MALRD1: variants seen among roughly 807,000 people sequenced by gnomAD.
MALRD1 encodes MAM and LDL receptor class A domain containing 1.
A neutral mutation model predicts 242.1 loss-of-function variants in MALRD1; 247 were observed. The observed-to-expected ratio is 1.02, with a 90% CI of 0.92 to 1.13. The LOEUF is 1.13. Among genes scored for constraint, MALRD1 ranks in the 50% most tolerant of loss-of-function variants. The probability of loss-of-function intolerance (pLI) is 0.00; values close to 1 mark genes in which losing one functional copy is unlikely to be tolerated. For synonymous variants in MALRD1, 995 were observed against 866.6 expected (o/e 1.15, Z -2.60); for missense variants, 2,989 against 2,533.1 (o/e 1.18, Z -3.86).
rs533106860 is a variant in MALRD1, at chr10:19,439,834, C to T, written c.4846-10473C>T. Among the ~76,000 whole-genome samples the T allele has an allele frequency of 2.6e-5, 4 of 152,226 alleles. No individual in the cohort carries two copies. In the South Asian group the frequency reaches 6.2e-4, roughly 24 times the overall value. ...TTCCCCACTCCATTTCCCTTTTACT[C>T]CATAGGCAACCTTTCTAATGTATAT... is the stretch of plus-strand genomic sequence containing the variant. On this transcript the variant is annotated intron_variant, in intron 28 of 39. Coordinates refer to ENST00000454679, the MANE Select transcript of MALRD1 (RefSeq NM_001142308.3).
At position 19,656,484 on chromosome 10, in the gene MALRD1, G is replaced by T. The variant is rs560906792; in HGVS notation, c.6138-35798G>T. ...AATATGATTTAGAATAATAATAAGGGCCAATTACTTCTTGCTGAAGGGCCA... is the reference window on the plus strand; with the variant it reads ...AATATGATTTAGAATAATAATAAGGTCCAATTACTTCTTGCTGAAGGGCCA... On this transcript the variant is annotated intron_variant, in intron 36 of 39. Transcript: ENST00000454679. 2.0e-5 allele frequency among the ~76,000 whole-genome samples: 3 copies of T among 151,926 alleles called. 1 individual carries two copies. The South Asian group carries it at 6.2e-4, about 32-fold the overall frequency.
At chr10:19,341,215 T>C (rs527257591) in intron 24 of MALRD1, among the ~76,000 whole-genome samples, 2 of 151,968 alleles carry the variant, frequency 1.3e-5, no homozygotes, top group Admixed American at 1.3e-4. Flanking sequence ...TTCATATGCA[T>C]GTATTTGCCT....
chr10:19,514,567 A>G (rs1833545964), intron 31 of MALRD1, among the ~76,000 whole-genome samples: 2 of 152,166 alleles, frequency 1.3e-5, no homozygotes, highest in South Asian at 4.1e-4. Flanking sequence ...TTAAAATAGG[A>G]TTACAGGGCA....
intron 21 of MALRD1, among the ~76,000 whole-genome samples, chr10:19,288,013 A>T (rs16918467): frequency 1.3e-5 from 2 of 152,062 alleles, no homozygotes; most frequent in Non-Finnish European, 2.9e-5. Context: ...GCAACATGAC[A>T]TGCAAAGTAA....
intron 38 of MALRD1, among the ~76,000 whole-genome samples, chr10:19,707,562 A>T (rs1833925093): frequency 6.6e-6 from 1 of 152,200 alleles, no homozygotes. Context: ...GACGAGTTAG[A>T]TGAGAGATGA....
intron 38 of MALRD1, among the ~76,000 whole-genome samples, chr10:19,702,090 C>T (rs1166195953): frequency 5.3e-5 from 8 of 151,940 alleles, no homozygotes; most frequent in Admixed American, 2.0e-4. Flanking sequence ...TTCAGAATTT[C>T]GTGCTATTAT....
At position 19,607,816 on chromosome 10, in the gene MALRD1, C is replaced by G; in HGVS notation, c.5984C>G (p.Ser1995Cys). The change falls in exon 35 of 40, where the codon TCC becomes TGC. Residue 1995 changes from serine to cysteine, a missense_variant. Coordinates refer to ENST00000454679, the MANE Select transcript of MALRD1 (RefSeq NM_001142308.3). The part of the protein sequence containing the change: ...SCSNGALVCA[S>C]SNSCIPAHQR... ...TCTAATGGAGCTCTGGTGTGTGCCT[C>G]CTCCAACAGCTGTATCCCAGCCCAC... is the stretch of plus-strand genomic sequence containing the variant. The G allele has an allele frequency of 6.5e-7, 1 of 1,549,602 alleles. No homozygotes were observed. Among genetic ancestry groups the G allele is most frequent in the Non-Finnish European group, 8.7e-7 (1 of 1,146,474 alleles).
chr10:19,486,915 G>A (rs376748144), intron 29 of MALRD1, among the ~76,000 whole-genome samples: 10 of 152,074 alleles, frequency 6.6e-5, no homozygotes, highest in South Asian at 2.1e-4. Context: ...TAAATCTACA[G>A]TAGATTAGTC....
chr10:19,377,191 T>C (rs77244281), intron 26 of MALRD1, among the ~76,000 whole-genome samples: 6,188 of 152,246 alleles, frequency 0.041, 209 homozygotes, highest in African/African-American at 0.092. Flanking sequence ...ATTTGTTGGT[T>C]AACTTTTGCA....
rs949775371 is a variant in MALRD1 at position 19,125,352 on chromosome 10, T to C, written c.943+682T>C. On this transcript the variant is annotated intron_variant, in intron 7 of 39. Transcript: ENST00000454679. Reference sequence around the variant, plus strand: ...TTCTTTCTTTCTTTCTTTCTTTCTTTCTTTCTTTCTTTCTTTCTTTCTTTC... The same window carrying C: ...TTCTTTCTTTCTTTCTTTCTTTCTTCCTTTCTTTCTTTCTTTCTTTCTTTC... Among the ~76,000 whole-genome samples, 166 of 105,864 alleles carry C rather than the reference T, an allele frequency of 1.6e-3. 1 individual carries two copies. Among genetic ancestry groups the C allele is most frequent in the Admixed American group, 4.4e-3 (38 of 8,704 alleles). The allele number at this position is 105,864 out of a possible 152,430, so 69.5% of individuals were successfully genotyped here.
intron 5 of MALRD1, among the ~76,000 whole-genome samples, chr10:19,117,789 A>G (rs946636466): frequency 1.3e-5 from 2 of 152,236 alleles, no homozygotes; most frequent in Non-Finnish European, 2.9e-5. Context: ...CTTCAGTTTT[A>G]TCACAAATAA....
chr10:19,452,874 C>T (rs1366115543), intron 29 of MALRD1, among the ~76,000 whole-genome samples: 1 of 152,166 alleles, frequency 6.6e-6, no homozygotes, highest in Non-Finnish European at 1.5e-5. Flanking sequence ...ACTATGTGGG[C>T]ATGGCATCTG....
chr10:19,174,523 ACTT>A (rs1390599475), intron 13 of MALRD1, among the ~76,000 whole-genome samples: 1 of 151,884 alleles, frequency 6.6e-6, no homozygotes, highest in East Asian at 1.9e-4. Flanking sequence ...GGCATAAATT[ACTT>A]CTTCCTTTCC....
At chr10:19,628,454 A>T (rs528250718) in intron 36 of MALRD1, among the ~76,000 whole-genome samples, 1 of 152,160 alleles carries the variant, frequency 6.6e-6, no homozygotes, top group African/African-American at 2.4e-5. Context: ...AAAATAGAAG[A>T]TATAAATCCT....
chr10:19,115,296 G>A (rs1327647059), intron 5 of MALRD1, among the ~76,000 whole-genome samples: 1 of 152,142 alleles, frequency 6.6e-6, no homozygotes, highest in Non-Finnish European at 1.5e-5. Context: ...TCTTCTTGGA[G>A]AGGAGGTGTC....
intron 18 of MALRD1, among the ~76,000 whole-genome samples, chr10:19,237,614 A>AT (rs1357989695): frequency 5.2e-5 from 3 of 57,286 alleles, no homozygotes; most frequent in East Asian, 9.4e-4. Context: ...AATTATAATT[A>AT]TATAATTATA....
intron 17 of MALRD1, among the ~76,000 whole-genome samples, chr10:19,208,563 C>T (rs1377503924): frequency 7.9e-5 from 12 of 151,944 alleles, no homozygotes; most frequent in South Asian, 2.1e-4. Context: ...GGATCTGGGA[C>T]GGGATGGAAC....
chr10:19,680,024 C>A (rs933436264), intron 36 of MALRD1, among the ~76,000 whole-genome samples: 6 of 151,056 alleles, frequency 4.0e-5, no homozygotes, highest in Non-Finnish European at 8.9e-5. Flanking sequence ...CTGTTTGTTT[C>A]TTTTGCATTT....
chr10:19,105,433 G>T (rs980621830), intron 5 of MALRD1, among the ~76,000 whole-genome samples: 2 of 151,942 alleles, frequency 1.3e-5, no homozygotes, highest in Admixed American at 1.3e-4. Context: ...CACTTAGGTT[G>T]ATTTCATATC....
Sources: gnomAD v4.1 joint callset for allele counts (sites outside exome capture counted in the v4.1 genomes callset) on GRCh38, gnomAD v4.1.1 for gene constraint, MANE v1.5 for transcripts, NCBI Gene and HGNC (gene_info 2026-07-23, HGNC 2026-07-21) for gene names.